GUCA1C: variants seen among roughly 807,000 people sequenced by gnomAD.
GUCA1C encodes guanylyl cyclase-activating protein 3.
In GUCA1C, 15 loss-of-function variants were observed where a neutral mutation model predicts 16.2. The observed-to-expected ratio is 0.93, with a 90% confidence interval of 0.62 to 1.43. GUCA1C has a LOEUF of 1.43. GUCA1C is among the 40% of genes most tolerant of loss of function. GUCA1C has a pLI of 0.00. For synonymous variants in GUCA1C, 78 were observed against 85.4 expected, an observed-to-expected ratio of 0.91 and a Z score of 0.48; for missense variants, 275 against 244.8, an observed-to-expected ratio of 1.12 and a Z score of -0.82.
intron 1 of GUCA1C, among the ~76,000 whole-genome samples, chr3:108,945,819 G>A (rs1455457734): frequency 6.6e-6 from 1 of 152,072 alleles, no homozygotes; most frequent in Non-Finnish European, 1.5e-5. Flanking sequence ...ATTAATTTTA[G>A]ACATTGGCTT....
intron 1 of GUCA1C, among the ~76,000 whole-genome samples, chr3:108,946,673 C>T (rs1429370681): frequency 6.6e-6 from 1 of 151,906 alleles, no homozygotes; most frequent in Non-Finnish European, 1.5e-5. Context: ...TATGAAGAAT[C>T]AAAAGCAAGT....
intron 1 of GUCA1C, among the ~76,000 whole-genome samples, chr3:108,939,721 T>C (rs1946766956): frequency 6.6e-6 from 1 of 152,104 alleles, no homozygotes. Context: ...CCCCTTTCTT[T>C]ATGTACCCAT....
chr3:108,949,756 G>A (rs116141173), intron 1 of GUCA1C, among the ~76,000 whole-genome samples: 3,999 of 152,080 alleles, frequency 0.026, 90 homozygotes, highest in Non-Finnish European at 0.036. Flanking sequence ...GCTTTATTAA[G>A]GAATAGTTGA....
chr3:108,943,311 G>A (rs1946807015), intron 1 of GUCA1C, among the ~76,000 whole-genome samples: 1 of 152,136 alleles, frequency 6.6e-6, no homozygotes, highest in Non-Finnish European at 1.5e-5. Context: ...GCAATTGTAA[G>A]AGCAGAAGCA....
At chr3:108,946,164 T>C (rs770391395) in intron 1 of GUCA1C, among the ~76,000 whole-genome samples, 6 of 152,314 alleles carry the variant, frequency 3.9e-5, no homozygotes, top group Non-Finnish European at 7.3e-5. Flanking sequence ...AGGGTCTCTG[T>C]CACTCAGGCT....
intron 1 of GUCA1C, among the ~76,000 whole-genome samples, chr3:108,927,245 T>C (rs1477309521): frequency 6.6e-6 from 1 of 152,232 alleles, no homozygotes; most frequent in Non-Finnish European, 1.5e-5. Context: ...CCAGGTGATC[T>C]TTGAGCCTCT....
chr3:108,941,002 T>G (rs1242538683), intron 1 of GUCA1C, among the ~76,000 whole-genome samples: 2 of 152,148 alleles, frequency 1.3e-5, no homozygotes, highest in African/African-American at 4.8e-5. Context: ...AGGTGCTGCC[T>G]GCACTCTCCT....
chr3:108,946,459 T>A (rs915339793), intron 1 of GUCA1C, among the ~76,000 whole-genome samples: 1 of 152,196 alleles, frequency 6.6e-6, no homozygotes, highest in Non-Finnish European at 1.5e-5. Context: ...GTTCTCTGCA[T>A]AGCCGTGGCA....
At chr3:108,952,001 C>T (rs1294519160) in intron 1 of GUCA1C, among the ~76,000 whole-genome samples, 1 of 152,210 alleles carries the variant, frequency 6.6e-6, no homozygotes, top group Admixed American at 6.5e-5. Flanking sequence ...GGCTAGCAAC[C>T]TAACGGCTGG....
intron 1 of GUCA1C, among the ~76,000 whole-genome samples, chr3:108,935,266 G>C (rs1028531976): frequency 4.6e-5 from 7 of 151,792 alleles, no homozygotes; most frequent in Admixed American, 1.3e-4. Context: ...TCCGGATGAT[G>C]GGATCAGTAG....
At chr3:108,934,963 G>A (rs552771733) in intron 1 of GUCA1C, among the ~76,000 whole-genome samples, 49 of 151,760 alleles carry the variant, frequency 3.2e-4, no homozygotes, top group Admixed American at 2.7e-3. Context: ...ACAGGCGCCC[G>A]CCACCACGCC....
At chr3:108,939,487 C>A (rs952148582) in intron 1 of GUCA1C, among the ~76,000 whole-genome samples, 1 of 151,422 alleles carries the variant, frequency 6.6e-6, no homozygotes, top group African/African-American at 2.4e-5. Context: ...CCACCATGCC[C>A]GGCTCATTTT....
intron 2 of GUCA1C, among the ~76,000 whole-genome samples, chr3:108,918,564 G>A (rs1004121777): frequency 2.6e-5 from 4 of 152,136 alleles, no homozygotes; most frequent in Admixed American, 1.3e-4. Context: ...ATTGACCTGG[G>A]GGGTCCTACT....
In GUCA1C at chr3:108,908,185, A is replaced by G; in HGVS notation, c.467T>C (p.Ile156Thr). ...ATCCTGATCTTTTGCCATGCCATTG[A>G]TAAATTCTTCTAAAGTCAATTCCCC... ...NDGELTLEEFINGMAKDQDLL... is the reference protein window; with the variant it reads ...NDGELTLEEFTNGMAKDQDLL... The change falls in exon 4 of 4, where the codon ATC becomes ACC. Residue 156 changes from isoleucine (I) to threonine (T), a missense_variant. Physicochemically the swap from Ile to Thr is moderately conservative, Grantham distance 89. Coordinates refer to ENST00000261047, the MANE Select transcript of GUCA1C (RefSeq NM_005459.4). 2 of 1,613,550 alleles carry G rather than the reference A, an allele frequency of 1.2e-6. No individual in the cohort carries two copies. The highest frequency in any genetic ancestry group is 1.7e-6 in the Non-Finnish European group (2 of 1,179,532).
At chr3:108,926,866 T>C (rs1375734728) in intron 1 of GUCA1C, among the ~76,000 whole-genome samples, 1 of 152,206 alleles carries the variant, frequency 6.6e-6, no homozygotes, top group Non-Finnish European at 1.5e-5. Flanking sequence ...TTGGTTTATT[T>C]TGAGGATTTG....
chr3:108,934,948 G>T (rs2107303318), intron 1 of GUCA1C, among the ~76,000 whole-genome samples: 1 of 151,408 alleles, frequency 6.6e-6, no homozygotes, highest in East Asian at 1.9e-4. Flanking sequence ...CGAGTAGCTG[G>T]GACTACAGGC....
chr3:108,927,432 C>CTTTTTTTTTTTTTTTT (rs55930777), intron 1 of GUCA1C, among the ~76,000 whole-genome samples: 2 of 128,274 alleles, frequency 1.6e-5, no homozygotes, highest in African/African-American at 3.0e-5. Context: ...TTTTTTAATT[C>CTTTTTTTTTTTTTTTT]TTTTTTTTTT....
chr3:108,935,357 AT>A (rs1946714672), intron 1 of GUCA1C, among the ~76,000 whole-genome samples: 1 of 151,392 alleles, frequency 6.6e-6, no homozygotes, highest in Non-Finnish European at 1.5e-5. Flanking sequence ...TGAAAAAAAA[AT>A]AAAAAATAAA....
chr3:108,916,214 C>A lies in GUCA1C; in HGVS notation c.355G>T (p.Ala119Ser), dbSNP rs1351978954. 5.0e-6 allele frequency: 8 copies of A among 1,604,564 alleles called. No homozygotes were observed. Among genetic ancestry groups the A allele is most frequent in the Non-Finnish European group, 6.8e-6 (8 of 1,177,712 alleles). The change falls in exon 3 of 4, where the codon GCG (alanine) becomes TCG (serine). Residue 119 changes from alanine (A) to serine (S), a missense_variant and splice_region_variant. By Grantham distance (99) the Ala-to-Ser change is moderately conservative (BLOSUM62 1). Coordinates refer to ENST00000261047, the MANE Select transcript of GUCA1C (RefSeq NM_005459.4). ...DKNELLDMFM[A>S]VQALNGQQTL... ...TGCTGGCCATTGAGGGCTTGTACCG[C>A]CTGCAAAAAGACATTAAATGAAAGA... is the stretch of plus-strand genomic sequence containing the variant.
Sources: gnomAD v4.1 joint callset for allele counts (sites outside exome capture counted in the v4.1 genomes callset) on GRCh38, gnomAD v4.1.1 for gene constraint, MANE v1.5 for transcripts, NCBI Gene and HGNC (gene_info 2026-07-23, HGNC 2026-07-21) for gene names.